The following NCKAP5 variants were observed in gnomAD, a reference collection of about 807,000 sequenced individuals.
The protein encoded by NCKAP5 is nck-associated protein 5.
In NCKAP5, 92 loss-of-function variants were observed where a neutral mutation model predicts 167.0. That is an observed-to-expected ratio of 0.55 (90% CI 0.47 to 0.66). The LOEUF (loss-of-function observed/expected upper bound fraction) is 0.66. Among genes scored for constraint, NCKAP5 ranks in the 30% least tolerant of loss-of-function variants. The pLI is 0.00. For synonymous variants in NCKAP5, 891 were observed against 877.4 expected (o/e 1.02, Z -0.27); for missense variants, 2,378 against 2,315.0 (o/e 1.03, Z -0.56).
chr2:133,189,236 A>G (rs1024639800), intron 5 of NCKAP5, among the ~76,000 whole-genome samples: 1 of 152,186 alleles, frequency 6.6e-6, no homozygotes, highest in Non-Finnish European at 1.5e-5. Flanking sequence ...TAAACCAGGA[A>G]GAAGTTGAAT....
At chr2:132,739,536 AT>A (rs1691825608) in intron 16 of NCKAP5, among the ~76,000 whole-genome samples, 1 of 152,184 alleles carries the variant, frequency 6.6e-6, no homozygotes, top group African/African-American at 2.4e-5. Context: ...CAGAGTGCTC[AT>A]TATAAAGCAG....
intron 3 of NCKAP5, among the ~76,000 whole-genome samples, chr2:133,493,830 T>C (rs1334629216): frequency 2.0e-5 from 3 of 152,184 alleles, no homozygotes; most frequent in Non-Finnish European, 2.9e-5. Flanking sequence ...GGTTAAATGA[T>C]GTGACAAAGA....
At chr2:133,600,289 A>G in the NCKAP5 span, among the ~76,000 whole-genome samples, 1 of 152,178 alleles carries the variant, frequency 6.6e-6, no homozygotes, top group East Asian at 1.9e-4. Flanking sequence ...CCATTTGCCT[A>G]AGAGAAGATT....
chr2:133,650,859 G>T, the NCKAP5 span, among the ~76,000 whole-genome samples: 1 of 152,174 alleles, frequency 6.6e-6, no homozygotes, highest in Non-Finnish European at 1.5e-5. Context: ...TCCAGCCTGG[G>T]TGAGAGAGCA....
chr2:133,396,516 T>C (rs1193527859), intron 3 of NCKAP5, among the ~76,000 whole-genome samples: 7 of 152,148 alleles, frequency 4.6e-5, no homozygotes, highest in Non-Finnish European at 8.8e-5. Context: ...TTAAGACATA[T>C]AGTGTATTAG....
intron 11 of NCKAP5, among the ~76,000 whole-genome samples, chr2:132,822,219 GACAACTTCACT>G (rs1686799875): frequency 6.6e-6 from 1 of 152,164 alleles, no homozygotes; most frequent in African/African-American, 2.4e-5. Context: ...GTGTCCATGT[GACAACTTCACT>G]GCTAGCATAA....
chr2:132,924,189 C>T (rs529326802), intron 8 of NCKAP5, among the ~76,000 whole-genome samples: 256 of 152,152 alleles, frequency 1.7e-3, no homozygotes, highest in African/African-American at 6.0e-3. Context: ...AGACATTCTG[C>T]GAGTGAAAAA....
intron 3 of NCKAP5, among the ~76,000 whole-genome samples, chr2:133,340,114 C>T (rs1333784014): frequency 6.6e-6 from 1 of 152,144 alleles, no homozygotes; most frequent in Non-Finnish European, 1.5e-5. Context: ...ATACTAGCTG[C>T]CATACATATC....
At position 132,675,674 on chromosome 2, in the gene NCKAP5, A is replaced by G. The variant is rs1684342770; in HGVS notation, c.5714-2369T>C. ...GGAAGACAGACAGGTGGAAATCATA[A>G]TTCGTTGTGAAATGGTGGAATTTGG... On this transcript the variant is annotated intron_variant, in intron 19 of 19. Transcript: ENST00000409261. Among the ~76,000 whole-genome samples the G allele has an allele frequency of 2.6e-5, 4 of 152,314 alleles. No homozygotes were observed. In the South Asian group the frequency reaches 8.3e-4, roughly 32 times the overall value.
At chr2:132,827,184 T>C (rs1687186072) in intron 11 of NCKAP5, among the ~76,000 whole-genome samples, 1 of 152,218 alleles carries the variant, frequency 6.6e-6, no homozygotes, top group Non-Finnish European at 1.5e-5. Flanking sequence ...ATGACAGGCC[T>C]GACCTCACTC....
chr2:133,420,096 G>C (rs576637394), intron 3 of NCKAP5, among the ~76,000 whole-genome samples: 1 of 152,304 alleles, frequency 6.6e-6, no homozygotes, highest in East Asian at 1.9e-4. Context: ...AGGGAAGATG[G>C]GGTAAGAGAA....
At chr2:133,400,407 C>T (rs1169263253) in intron 3 of NCKAP5, among the ~76,000 whole-genome samples, 2 of 152,182 alleles carry the variant, frequency 1.3e-5, no homozygotes, top group East Asian at 1.9e-4. Flanking sequence ...TGAGATCATC[C>T]TGGATTACTG....
chr2:132,979,001 G>A (rs986174563), intron 7 of NCKAP5, among the ~76,000 whole-genome samples: 7 of 152,232 alleles, frequency 4.6e-5, no homozygotes, highest in Non-Finnish European at 1.0e-4. Context: ...AGCTCTACAC[G>A]TAAGGCTTTG....
intron 11 of NCKAP5, among the ~76,000 whole-genome samples, chr2:132,853,161 G>A (rs1689203006): frequency 6.6e-6 from 1 of 152,340 alleles, no homozygotes; most frequent in East Asian, 1.9e-4. Context: ...AAAGCAGGTT[G>A]CAGGCCAATT....
intron 11 of NCKAP5, among the ~76,000 whole-genome samples, chr2:132,831,603 T>C (rs535595897): frequency 1.3e-5 from 2 of 152,142 alleles, no homozygotes; most frequent in African/African-American, 4.8e-5. Context: ...TATTGACTGG[T>C]AGGGGCTCTT....
At chr2:132,830,531 G>A (rs568150297) in intron 11 of NCKAP5, among the ~76,000 whole-genome samples, 2 of 152,174 alleles carry the variant, frequency 1.3e-5, no homozygotes, top group African/African-American at 4.8e-5. Flanking sequence ...AGCAGAAGAG[G>A]TATTTTGGGC....
chr2:133,517,440 T>C lies in NCKAP5; in HGVS notation c.69+18A>G. 7.2e-7 allele frequency: 1 copy of C among 1,397,802 alleles called. No homozygotes were observed. Among genetic ancestry groups the C allele is most frequent in the Non-Finnish European group, 9.5e-7 (1 of 1,053,400 alleles). 86.6% of individuals were successfully genotyped at this position (1,397,802 alleles called of 1,614,324 possible). Reference sequence around the variant, plus strand: ...AAGCCAAAACATATAGAGTGGTAAATGAATATTTAGTACTTACCACAAGAC... The same window carrying C: ...AAGCCAAAACATATAGAGTGGTAAACGAATATTTAGTACTTACCACAAGAC... On this transcript the variant is annotated intron_variant, in intron 3 of 19. Coordinates refer to ENST00000409261, the MANE Select transcript of NCKAP5 (RefSeq NM_207363.3).
At chr2:133,040,785 A>G (rs2079192233) in intron 6 of NCKAP5, among the ~76,000 whole-genome samples, 1 of 152,214 alleles carries the variant, frequency 6.6e-6, no homozygotes, top group African/African-American at 2.4e-5. Flanking sequence ...TTACTTTACA[A>G]AAGGGAATTG....
intron 11 of NCKAP5, among the ~76,000 whole-genome samples, chr2:132,813,153 A>T (rs1197880158): frequency 6.6e-6 from 1 of 152,228 alleles, no homozygotes; most frequent in Non-Finnish European, 1.5e-5. Context: ...TTCTGCAAAA[A>T]GTTCAGCAAG....
Sources: gnomAD v4.1 joint callset for allele counts (sites outside exome capture counted in the v4.1 genomes callset) on GRCh38, gnomAD v4.1.1 for gene constraint, MANE v1.5 for transcripts, NCBI Gene and HGNC (gene_info 2026-07-23, HGNC 2026-07-21) for gene names.